Variants in ABTB3 observed in about 807,000 individuals in gnomAD.
The protein encoded by ABTB3 is ankyrin repeat- and BTB/POZ domain-containing protein 3.
At chr12:107,603,363 T>A in the ABTB3 span, among the ~76,000 whole-genome samples, 1 of 152,222 alleles carries the variant, frequency 6.6e-6, no homozygotes, top group Non-Finnish European at 1.5e-5. Context: ...GCTGGTAAAA[T>A]TCAGTAACCA....
chr12:107,425,703 C>CTG, the ABTB3 span, among the ~76,000 whole-genome samples: 1 of 152,190 alleles, frequency 6.6e-6, no homozygotes, highest in Non-Finnish European at 1.5e-5. Context: ...CTTATCAGAT[C>CTG]ACTCCCAGAA....
chr12:107,503,768 AAAAAAAG>A, the ABTB3 span, among the ~76,000 whole-genome samples: 263 of 150,954 alleles, frequency 1.7e-3, 1 homozygote, highest in African/African-American at 5.9e-3. Flanking sequence ...AAAAAAAAAA[AAAAAAAG>A]AAGAAGAAGA....
At chr12:107,375,466 T>TC in the ABTB3 span, among the ~76,000 whole-genome samples, 31 of 141,212 alleles carry the variant, frequency 2.2e-4, no homozygotes, top group East Asian at 1.6e-3. Flanking sequence ...ATCATCATCA[T>TC]AAATAAAAAT....
chr12:107,554,381 G>C, the ABTB3 span, among the ~76,000 whole-genome samples: 3 of 151,980 alleles, frequency 2.0e-5, no homozygotes. Flanking sequence ...AGAATGCCTA[G>C]GTGAATATTC....
the ABTB3 span, chr12:107,617,452 C>G: frequency 3.1e-6 from 5 of 1,613,192 alleles, no homozygotes; most frequent in Non-Finnish European, 3.4e-6. Flanking sequence ...CTAGGATGGG[C>G]CAAAGCCAGA....
the ABTB3 span, chr12:107,615,243 C>A: frequency 9.0e-7 from 1 of 1,105,348 alleles, no homozygotes; most frequent in Non-Finnish European, 1.3e-6. Context: ...TCCCAGCATG[C>A]ATATTCTCTA....
chr12:107,644,503 C>A, the ABTB3 span, among the ~76,000 whole-genome samples: 1 of 152,198 alleles, frequency 6.6e-6, no homozygotes, highest in Non-Finnish European at 1.5e-5. Context: ...ATTAGCAGCT[C>A]TCAGAATACC....
chr12:107,598,019 G>A, the ABTB3 span, among the ~76,000 whole-genome samples: 2 of 152,216 alleles, frequency 1.3e-5, no homozygotes, highest in African/African-American at 4.8e-5. Context: ...TGCCTTTTAA[G>A]GAGTCTGCCC....
At chr12:107,532,720 A>G in the ABTB3 span, among the ~76,000 whole-genome samples, 1 of 152,350 alleles carries the variant, frequency 6.6e-6, no homozygotes, top group South Asian at 2.1e-4. Flanking sequence ...GGGGCACATT[A>G]TAGTCAAACT....
the ABTB3 span, among the ~76,000 whole-genome samples, chr12:107,591,063 A>G: frequency 1.3e-5 from 2 of 152,228 alleles, no homozygotes; most frequent in Non-Finnish European, 2.9e-5. Flanking sequence ...TATTTTTGGT[A>G]ACAAAGAAGG....
chr12:107,406,433 T>C, the ABTB3 span, among the ~76,000 whole-genome samples: 1 of 152,158 alleles, frequency 6.6e-6, no homozygotes, highest in Non-Finnish European at 1.5e-5. Flanking sequence ...CTGTCTCTCT[T>C]AAAACAAATA....
chr12:107,586,110 G>A, the ABTB3 span, among the ~76,000 whole-genome samples: 14 of 152,176 alleles, frequency 9.2e-5, no homozygotes, highest in Non-Finnish European at 1.9e-4. Flanking sequence ...GGAGGGACAA[G>A]TCCATCAGGT....
At chr12:107,500,286 T>A in the ABTB3 span, among the ~76,000 whole-genome samples, 1 of 152,194 alleles carries the variant, frequency 6.6e-6, no homozygotes, top group South Asian at 2.1e-4. Flanking sequence ...GCAAGCACCC[T>A]GCTGCCCTCT....
the ABTB3 span, among the ~76,000 whole-genome samples, chr12:107,526,348 C>T: frequency 1.3e-5 from 2 of 152,140 alleles, no homozygotes; most frequent in African/African-American, 4.8e-5. Context: ...TGATGGACTT[C>T]ACAGTTGACT....
At chr12:107,570,139 GGAA>G in the ABTB3 span, among the ~76,000 whole-genome samples, 1 of 152,222 alleles carries the variant, frequency 6.6e-6, no homozygotes, top group Non-Finnish European at 1.5e-5. Context: ...TCATTATTAA[GGAA>G]GAAGAGGAGA....
chr12:107,329,225 A>T, the ABTB3 span, among the ~76,000 whole-genome samples: 1 of 152,112 alleles, frequency 6.6e-6, no homozygotes, highest in Non-Finnish European at 1.5e-5. Flanking sequence ...CCTGAGAATC[A>T]CAGAGCTGGG....
At chr12:107,479,865 T>A in the ABTB3 span, among the ~76,000 whole-genome samples, 2 of 152,114 alleles carry the variant, frequency 1.3e-5, no homozygotes, top group African/African-American at 4.8e-5. Flanking sequence ...TAGCCCCACT[T>A]TCAGCTAAGG....
At chr12:107,356,860 A>G in the ABTB3 span, among the ~76,000 whole-genome samples, 2 of 152,212 alleles carry the variant, frequency 1.3e-5, no homozygotes, top group Admixed American at 1.3e-4. Flanking sequence ...AACCTACTAC[A>G]TGCCAAGCAC....
the ABTB3 span, among the ~76,000 whole-genome samples, chr12:107,428,131 G>A: frequency 6.6e-6 from 1 of 152,232 alleles, no homozygotes; most frequent in Non-Finnish European, 1.5e-5. Context: ...GCACACAGCA[G>A]TCAGTAGGTG....
Sources: allele counts gnomAD v4.1 joint callset (sites outside exome capture counted in the v4.1 genomes callset), GRCh38; gene constraint gnomAD v4.1.1; transcripts MANE v1.5; gene names NCBI Gene and HGNC (gene_info 2026-07-23, HGNC 2026-07-21).